Variants in ABLIM1 observed in about 807,000 individuals in gnomAD.
The protein encoded by ABLIM1 is actin binding LIM protein 1, also known as actin-binding LIM protein 1.
In ABLIM1, 40 loss-of-function variants were observed where a neutral mutation model predicts 107.0. The ratio of observed to expected loss-of-function variants is 0.37; its 90% CI spans 0.29 to 0.49. The LOEUF (loss-of-function observed/expected upper bound fraction) is 0.49, where lower values mean the gene tolerates loss of function less well. Among genes scored for constraint, ABLIM1 ranks in the 20% least tolerant of loss-of-function variants. The pLI, the probability that ABLIM1 is intolerant of heterozygous loss-of-function variation, is 0.97. For missense variants in ABLIM1, 857 were observed against 1,008.5 expected (o/e 0.85, Z 2.04); for synonymous variants, 357 against 357.3 (o/e 1.00, Z 0.01).
rs781538950 is a variant in ABLIM1, at chr10:114,658,015, A to G, written c.186T>C (p.Tyr62=). ...GTGGGCAGTAGTCCTTGGGACAGAGATACAGCAAATGAGTGATAGTGGCAC... is the reference window on the plus strand; with the variant it reads ...GTGGGCAGTAGTCCTTGGGACAGAGGTACAGCAAATGAGTGATAGTGGCAC... ...HRRATITHLL[Y]LCPKDYCPRG... The change falls in exon 1 of 23, where the codon TAT becomes TAC. Residue 62 remains tyrosine, a synonymous_variant. Coordinates refer to ENST00000533213, the MANE Select transcript of ABLIM1 (RefSeq NM_002313.7). 7 of 1,614,068 alleles carry G rather than the reference A, an allele frequency of 4.3e-6. No homozygotes were observed. The African/African-American group carries it at 8.0e-5, about 18-fold the overall frequency.
chr10:114,496,629 C>T (rs1176574546), intron 6 of ABLIM1, among the ~76,000 whole-genome samples: 1 of 152,070 alleles, frequency 6.6e-6, no homozygotes, highest in African/African-American at 2.4e-5. Flanking sequence ...ACCTGCACAT[C>T]CTGCACATGT....
chr10:114,623,355 TA>T (rs1467250905), intron 1 of ABLIM1, among the ~76,000 whole-genome samples: 1 of 152,234 alleles, frequency 6.6e-6, no homozygotes, highest in Non-Finnish European at 1.5e-5. Flanking sequence ...CAGTATCATA[TA>T]CTGACAGCAG....
chr10:114,500,349 A>T (rs971005377), intron 6 of ABLIM1, among the ~76,000 whole-genome samples: 1 of 152,138 alleles, frequency 6.6e-6, no homozygotes, highest in Admixed American at 6.5e-5. Flanking sequence ...CTAGACTGAA[A>T]ATTGGACTTT....
At chr10:114,784,700 A>AG in the ABLIM1 span, among the ~76,000 whole-genome samples, 1 of 151,502 alleles carries the variant, frequency 6.6e-6, no homozygotes, top group South Asian at 2.1e-4. Context: ...GAAAAAAAAA[A>AG]AAAAATGGAT....
chr10:114,663,983 A>G (rs555360465), intron 1 of ABLIM1, among the ~76,000 whole-genome samples: 1 of 152,344 alleles, frequency 6.6e-6, no homozygotes, highest in Admixed American at 6.5e-5. Flanking sequence ...GTCTCTCTCA[A>G]CACTGAAAAG....
At position 114,568,998 on chromosome 10, in the gene ABLIM1, T is replaced by C. The variant is rs553899446; in HGVS notation, c.673+2299A>G. On this transcript the variant is annotated intron_variant, in intron 4 of 22. Transcript: ENST00000533213. ...TCCCAAATTACATGGCCAGAGAGGG[T>C]TGGAAGCCTTAAAAGATATCATGCT... Among the ~76,000 whole-genome samples the C allele has an allele frequency of 5.9e-5, 9 of 152,204 alleles. No homozygotes were observed. In the South Asian group the frequency reaches 8.3e-4, roughly 14 times the overall value.
At chr10:114,767,912 C>G (rs995050691) in intron 1 of ABLIM1, 2 of 309,802 alleles carry the variant, frequency 6.5e-6, no homozygotes, top group Admixed American at 4.1e-5. Flanking sequence ...TTCCCCTGCC[C>G]CCGGCCCCCG....
intron 8 of ABLIM1, among the ~76,000 whole-genome samples, chr10:114,476,852 A>G (rs1160563036): frequency 6.6e-6 from 1 of 152,098 alleles, no homozygotes; most frequent in Non-Finnish European, 1.5e-5. Flanking sequence ...CCAGGATCTC[A>G]CATTTTCCAA....
intron 12 of ABLIM1, among the ~76,000 whole-genome samples, chr10:114,455,469 T>C (rs1039731472): frequency 6.6e-6 from 1 of 152,174 alleles, no homozygotes; most frequent in South Asian, 2.1e-4. Context: ...CTAGTTCCTA[T>C]CGGGAAAAAA....
At chr10:114,482,678 C>T (rs2057554953) in intron 8 of ABLIM1, among the ~76,000 whole-genome samples, 1 of 152,162 alleles carries the variant, frequency 6.6e-6, no homozygotes, top group African/African-American at 2.4e-5. Context: ...CTAAAGTTGA[C>T]TTCATTGATA....
intron 1 of ABLIM1, chr10:114,632,135 C>T (rs534212377): frequency 1.3e-5 from 13 of 985,288 alleles, no homozygotes; most frequent in African/African-American, 3.5e-5. Context: ...CGCTCTTCTC[C>T]GCCCGCCCGC....
Position 114,703,566 on chromosome 10 carries a change from T to C in ABLIM1, c.-213+64495A>G, listed in dbSNP as rs554034134. On this transcript the variant is annotated intron_variant, in intron 1 of 15. Coordinates refer to the ABLIM1 transcript ENST00000651092. ...TACAGTGGCAGCACCAGGATCCCAG[T>C]ACAAGGTGCCCACCTCTCCAGCCCA... Among the ~76,000 whole-genome samples the C allele has an allele frequency of 1.6e-4, 25 of 152,284 alleles. No individual in the cohort carries two copies. The South Asian group carries it at 5.0e-3, about 30-fold the overall frequency.
chr10:114,641,003 C>T (rs547485242), intron 1 of ABLIM1, among the ~76,000 whole-genome samples: 23 of 152,092 alleles, frequency 1.5e-4, no homozygotes, highest in South Asian at 1.2e-3. Context: ...TAAGAAGGAA[C>T]GCAGTTAAGG....
At chr10:114,618,555 G>T (rs1189424508) in intron 1 of ABLIM1, among the ~76,000 whole-genome samples, 2 of 152,182 alleles carry the variant, frequency 1.3e-5, no homozygotes, top group Non-Finnish European at 2.9e-5. Context: ...ACCAACTGCA[G>T]CACCAGCTCC....
chr10:114,765,163 C>T (rs2082859303), intron 1 of ABLIM1, among the ~76,000 whole-genome samples: 1 of 152,074 alleles, frequency 6.6e-6, no homozygotes, highest in African/African-American at 2.4e-5. Flanking sequence ...TCTCCTGCCT[C>T]AGTCTCTCGA....
chr10:114,651,500 C>T (rs926364282), intron 1 of ABLIM1, among the ~76,000 whole-genome samples: 2 of 152,066 alleles, frequency 1.3e-5, no homozygotes, highest in Admixed American at 6.6e-5. Context: ...AAGAGAGGCC[C>T]AACGTGAAAG....
At chr10:114,662,821 G>T (rs2079851366), upstream of ABLIM1, among the ~76,000 whole-genome samples, 2 of 152,188 alleles carry the variant, frequency 1.3e-5, no homozygotes, top group African/African-American at 4.8e-5. Context: ...AGTTTAACAG[G>T]CACCAAGTGT....
intron 8 of ABLIM1, among the ~76,000 whole-genome samples, chr10:114,480,076 G>A (rs1434818108): frequency 6.6e-6 from 1 of 152,210 alleles, no homozygotes. Flanking sequence ...CCCACTGACA[G>A]TTTCTTCTTT....
the ABLIM1 span, among the ~76,000 whole-genome samples, chr10:114,798,562 C>CCCCG: frequency 0.024 from 3,571 of 147,490 alleles, 146 homozygotes; most frequent in Middle Eastern, 0.045. Flanking sequence ...TGAGACCCCC[C>CCCCG]CCCCATGTCT....
Sources: gnomAD v4.1 joint callset for allele counts (sites outside exome capture counted in the v4.1 genomes callset) on GRCh38, gnomAD v4.1.1 for gene constraint, MANE v1.5 for transcripts, NCBI Gene and HGNC (gene_info 2026-07-23, HGNC 2026-07-21) for gene names.